Variants in PARVB observed in about 807,000 individuals in gnomAD.
PARVB encodes beta-parvin.
PARVB carries 46 observed loss-of-function variants against 47.0 expected under a neutral mutation model. That is an observed-to-expected ratio of 0.98 (90% CI 0.77 to 1.25). The LOEUF (loss-of-function observed/expected upper bound fraction) is 1.25. Ranked by LOEUF, PARVB falls within the 50% of genes most tolerant of loss-of-function variation. The probability of loss-of-function intolerance (pLI) is 0.00; values close to 1 mark genes in which losing one functional copy is unlikely to be tolerated. For synonymous variants in PARVB, 196 were observed against 196.3 expected (o/e 1.00, Z 0.01); for missense variants, 473 against 471.6 (o/e 1.00, Z -0.03).
chr22:44,058,549 A>ATTTTT (rs35947294), intron 1 of PARVB, among the ~76,000 whole-genome samples: 19 of 96,032 alleles, frequency 2.0e-4, no homozygotes, highest in South Asian at 3.7e-4. Context: ...GTGGACGTGG[A>ATTTTT]TTTTTTTTTT....
chr22:44,083,062 C>A (rs191340199), intron 1 of PARVB, among the ~76,000 whole-genome samples: 1 of 152,086 alleles, frequency 6.6e-6, no homozygotes, highest in Non-Finnish European at 1.5e-5. Context: ...AATTGCGGAG[C>A]GGACTCCTTC....
rs936701554 is a variant in PARVB, at chr22:44,149,293, C to T, written c.774+1371C>T. 4.6e-5 allele frequency: 7 copies of T among 152,312 alleles called. No individual in the cohort carries two copies. The South Asian group carries it at 1.2e-3, about 27-fold the overall frequency. 9.4% of individuals were successfully genotyped at this position (152,312 alleles called of 1,614,324 possible). ...ATTCATTCTGCGAAAGACACATTTTCGGCACTGGAGCCACCAGCAAGGAAG... is the reference window on the plus strand; with the variant it reads ...ATTCATTCTGCGAAAGACACATTTTTGGCACTGGAGCCACCAGCAAGGAAG... On this transcript the variant is annotated intron_variant, in intron 9 of 12. Transcript: ENST00000338758.
At chr22:44,130,895 A>G (rs1195493772) in intron 4 of PARVB, among the ~76,000 whole-genome samples, 1 of 152,092 alleles carries the variant, frequency 6.6e-6, no homozygotes, top group Non-Finnish European at 1.5e-5. Flanking sequence ...AAGGAAGATT[A>G]GTGACCTGGA....
chr22:44,107,839 C>G (rs11703409), intron 3 of PARVB: 2 of 151,824 alleles, frequency 1.3e-5, no homozygotes, highest in East Asian at 1.9e-4. Context: ...AAACTCTGTC[C>G]TGTGCAGTGT....
At chr22:44,119,281 G>T in intron 4 of PARVB, 141 bp downstream of exon 4, 1 of 674,678 alleles carries the variant, frequency 1.5e-6, no homozygotes, top group Admixed American at 2.2e-5. Flanking sequence ...CTCCCAGGTG[G>T]TGCCCAGGCC....
chr22:44,122,504 G>GAGAGAGAGAGAGAC, intron 4 of PARVB, among the ~76,000 whole-genome samples: 1 of 92,700 alleles, frequency 1.1e-5, no homozygotes, highest in African/African-American at 7.3e-5. Context: ...GAGAGAGAGA[G>GAGAGAGAGAGAGAC]AGAGAGAGAG....
At chr22:44,026,413 G>A (rs954568466) in intron 1 of PARVB, 17 of 933,202 alleles carry the variant, frequency 1.8e-5, no homozygotes, top group Non-Finnish European at 2.0e-5. Context: ...TCAGGGTTGG[G>A]GTGCCTGGCA....
chr22:44,057,038 G>A (rs2051326930), intron 1 of PARVB, among the ~76,000 whole-genome samples: 2 of 113,860 alleles, frequency 1.8e-5, no homozygotes, highest in Non-Finnish European at 3.5e-5. Context: ...CTGAGCTGGG[G>A]GCGTTTTTGT....
chr22:44,054,974 G>C (rs1166216563), intron 1 of PARVB, among the ~76,000 whole-genome samples: 2 of 99,460 alleles, frequency 2.0e-5, no homozygotes, highest in African/African-American at 8.4e-5. Flanking sequence ...TGGGCGACAA[G>C]AGTGAAACTC....
intron 1 of PARVB, among the ~76,000 whole-genome samples, chr22:44,080,049 A>G (rs1370379008): frequency 1.3e-5 from 2 of 152,242 alleles, no homozygotes; most frequent in East Asian, 1.9e-4. Flanking sequence ...TGTTGGTCAG[A>G]TGCGTCCTCT....
At chr22:44,146,337 GCACACAGGTGCTCACA>G (rs1464063854) in intron 8 of PARVB, 7 of 94,674 alleles carry the variant, frequency 7.4e-5, no homozygotes, top group African/African-American at 2.7e-4. Context: ...GTGCTCACGT[GCACACAGGTGCTCACA>G]CACACACATG....
intron 4 of PARVB, among the ~76,000 whole-genome samples, chr22:44,130,874 C>T (rs1029684442): frequency 6.6e-5 from 10 of 152,048 alleles, no homozygotes; most frequent in African/African-American, 2.4e-4. Flanking sequence ...TTCAATCTGG[C>T]GTCATTCTCT....
intron 1 of PARVB, among the ~76,000 whole-genome samples, chr22:44,041,091 G>A (rs1017609748): frequency 2.6e-5 from 4 of 152,224 alleles, no homozygotes; most frequent in Admixed American, 2.0e-4. Context: ...GGAAATGAAT[G>A]CTGATGGATT....
At chr22:44,101,912 T>G (rs1175347368) in intron 3 of PARVB, among the ~76,000 whole-genome samples, 1 of 152,228 alleles carries the variant, frequency 6.6e-6, no homozygotes, top group African/African-American at 2.4e-5. Context: ...TCACTGTCTT[T>G]TAGCCACGAA....
intron 1 of PARVB, among the ~76,000 whole-genome samples, chr22:44,077,186 G>A (rs1265713536): frequency 1.3e-5 from 2 of 152,186 alleles, no homozygotes; most frequent in Non-Finnish European, 2.9e-5. Flanking sequence ...CCAAGATCAA[G>A]GTGTCAGCTG....
At chr22:44,039,464 C>G (rs1262803948) in intron 1 of PARVB, among the ~76,000 whole-genome samples, 4 of 151,920 alleles carry the variant, frequency 2.6e-5, no homozygotes, top group African/African-American at 9.7e-5. Context: ...TCACTTGAAC[C>G]CGGGAGGTGG....
intron 3 of PARVB, chr22:44,108,324 C>T (rs144299656): frequency 6.6e-6 from 1 of 152,212 alleles, no homozygotes; most frequent in Non-Finnish European, 1.5e-5. Context: ...AGCCTGGGAG[C>T]CCCATCTGCA....
At chr22:44,035,270 A>AATGTGCATCAAGTATAAACTCATT (rs1231719199) in intron 1 of PARVB, among the ~76,000 whole-genome samples, 22 of 152,216 alleles carry the variant, frequency 1.4e-4, no homozygotes, top group South Asian at 1.0e-3. Context: ...GAATGCTCTG[A>AATGTGCATCAAGTATAAACTCATT]AGTGGCCGGC....
chr22:44,063,490 G>C (rs2051458342), intron 1 of PARVB, among the ~76,000 whole-genome samples: 1 of 152,064 alleles, frequency 6.6e-6, no homozygotes, highest in Non-Finnish European at 1.5e-5. Flanking sequence ...GCCTCCCAAA[G>C]TACTGGGATT....
Sources: gnomAD v4.1 joint callset for allele counts (sites outside exome capture counted in the v4.1 genomes callset) on GRCh38, gnomAD v4.1.1 for gene constraint, MANE v1.5 for transcripts, NCBI Gene and HGNC (gene_info 2026-07-23, HGNC 2026-07-21) for gene names.